RIMS1: variants seen among roughly 807,000 people sequenced by gnomAD.
RIMS1 encodes regulating synaptic membrane exocytosis 1.
RIMS1 carries 83 observed loss-of-function variants against 214.1 expected under a neutral mutation model. That is an observed-to-expected ratio of 0.39 (90% CI 0.32 to 0.47). RIMS1 has a LOEUF of 0.47. Ranked by LOEUF, RIMS1 falls within the 20% of genes least tolerant of loss-of-function variation. RIMS1 has a pLI of 0.99. For missense variants in RIMS1, 2,050 were observed against 2,161.8 expected, an observed-to-expected ratio of 0.95 and a Z score of 1.03; for synonymous variants, 793 against 786.8, an observed-to-expected ratio of 1.01 and a Z score of -0.13.
chr6:72,156,945 C>A (rs2044520609), intron 4 of RIMS1, among the ~76,000 whole-genome samples: 1 of 140,566 alleles, frequency 7.1e-6, no homozygotes, highest in Non-Finnish European at 1.6e-5. Context: ...GTATAGGTAT[C>A]TTATACTAAT....
chr6:72,039,864 T>A (rs1024503658), intron 2 of RIMS1, among the ~76,000 whole-genome samples: 3 of 151,478 alleles, frequency 2.0e-5, no homozygotes, highest in Non-Finnish European at 3.0e-5. Flanking sequence ...TTAAAAAAAA[T>A]GGTATAATTA....
intron 24 of RIMS1, 129 bp downstream of exon 24, chr6:72,284,247 A>C: frequency 1.6e-6 from 1 of 626,404 alleles, no homozygotes. Flanking sequence ...CATGTAACTA[A>C]ACCTACCCCT....
intron 1 of RIMS1, among the ~76,000 whole-genome samples, chr6:71,930,343 T>C (rs1375357860): frequency 6.6e-6 from 1 of 152,030 alleles, no homozygotes; most frequent in Non-Finnish European, 1.5e-5. Flanking sequence ...AAAATTGACA[T>C]AACAGACATG....
chr6:72,225,523 A>G (rs1005096260), intron 6 of RIMS1, among the ~76,000 whole-genome samples: 1 of 152,268 alleles, frequency 6.6e-6, no homozygotes, highest in African/African-American at 2.4e-5. Context: ...AAAGATATTT[A>G]TATGTAGAGT....
chr6:72,071,933 A>T (rs1357133279), intron 2 of RIMS1, among the ~76,000 whole-genome samples: 1 of 152,230 alleles, frequency 6.6e-6, no homozygotes, highest in Admixed American at 6.5e-5. Flanking sequence ...GATTAATGTC[A>T]TGTGGAAAAA....
chr6:71,996,609 C>T (rs1390765382), intron 2 of RIMS1, among the ~76,000 whole-genome samples: 4 of 152,166 alleles, frequency 2.6e-5, no homozygotes, highest in Admixed American at 1.3e-4. Context: ...ATGACAAGCT[C>T]GTCCATGAGC....
At chr6:72,012,619 A>G (rs1811177502) in intron 2 of RIMS1, among the ~76,000 whole-genome samples, 1 of 152,200 alleles carries the variant, frequency 6.6e-6, no homozygotes, top group African/African-American at 2.4e-5. Context: ...AACTTGATGT[A>G]TGCTGGGACC....
intron 33 of RIMS1, among the ~76,000 whole-genome samples, chr6:72,399,519 G>A (rs1221464428): frequency 2.0e-5 from 3 of 152,022 alleles, no homozygotes; most frequent in Non-Finnish European, 4.4e-5. Context: ...CCAAACATGG[G>A]GTACAAAGAG....
intron 1 of RIMS1, among the ~76,000 whole-genome samples, chr6:71,957,960 T>G (rs1033167413): frequency 3.3e-5 from 5 of 152,094 alleles, no homozygotes; most frequent in African/African-American, 1.2e-4. Flanking sequence ...AGAGTTGAGC[T>G]TGTGAATCTA....
chr6:72,300,484 T>C (rs991667845), intron 26 of RIMS1, among the ~76,000 whole-genome samples: 2 of 151,790 alleles, frequency 1.3e-5, no homozygotes, highest in African/African-American at 4.8e-5. Flanking sequence ...TTAGTATTAT[T>C]GGAGTAATGA....
chr6:72,081,452 T>A (rs977003079), intron 2 of RIMS1, among the ~76,000 whole-genome samples: 1 of 152,188 alleles, frequency 6.6e-6, no homozygotes, highest in Non-Finnish European at 1.5e-5. Flanking sequence ...CTTCATATTA[T>A]TCAAAGTTTC....
chr6:72,209,672 C>T (rs575631830), intron 6 of RIMS1, among the ~76,000 whole-genome samples: 3 of 152,138 alleles, frequency 2.0e-5, no homozygotes, highest in East Asian at 3.9e-4. Context: ...AAGGCCAAGG[C>T]GGATGGATCA....
At chr6:72,158,123 T>C (rs77066079) in intron 4 of RIMS1, among the ~76,000 whole-genome samples, 9,360 of 140,770 alleles carry the variant, frequency 0.066, 2,033 homozygotes, top group Middle Eastern at 0.12. Flanking sequence ...TTTCCTGTAT[T>C]TTTATTTCCA....
chr6:72,362,717 T>G, intron 29 of RIMS1, among the ~76,000 whole-genome samples: 1 of 152,208 alleles, frequency 6.6e-6, no homozygotes. Context: ...CTTGTCAAAA[T>G]TTTGTCTTCA....
At chr6:71,905,493 T>C (rs537418345) in intron 1 of RIMS1, among the ~76,000 whole-genome samples, 8 of 152,214 alleles carry the variant, frequency 5.3e-5, no homozygotes, top group African/African-American at 1.4e-4. Flanking sequence ...CAGGAGATGA[T>C]AGGAAATGTA....
At chr6:72,232,383 G>T (rs760288208) in intron 6 of RIMS1, among the ~76,000 whole-genome samples, 4 of 151,588 alleles carry the variant, frequency 2.6e-5, no homozygotes, top group Non-Finnish European at 5.9e-5. Context: ...TTTAAGAATA[G>T]TCGTGAACTT....
rs145187188 is a variant in RIMS1 at position 72,036,674 on chromosome 6, A to G, written c.246-60275A>G. Among the ~76,000 whole-genome samples, 62 of 152,328 alleles carry G rather than the reference A, an allele frequency of 4.1e-4. 1 individual carries two copies. Among genetic ancestry groups the G allele is most frequent in the African/African-American group, 1.3e-3 (53 of 41,586 alleles). ...TAGCAGCAACCACATATTTAACACT[A>G]TATCCTCACTGTGCATGACATATAG... On this transcript the variant is annotated intron_variant, in intron 2 of 33. Transcript: ENST00000521978.
At chr6:72,197,183 A>G (rs1280816140) in intron 6 of RIMS1, among the ~76,000 whole-genome samples, 2 of 151,970 alleles carry the variant, frequency 1.3e-5, no homozygotes, top group Non-Finnish European at 2.9e-5. Flanking sequence ...CCATTCACAT[A>G]CTCTATTCAC....
At chr6:72,347,786 A>T (rs553318668) in intron 29 of RIMS1, among the ~76,000 whole-genome samples, 1 of 151,986 alleles carries the variant, frequency 6.6e-6, no homozygotes, top group South Asian at 2.1e-4. Context: ...CTTTCTCTTC[A>T]TTCAAGCCCT....
Sources: gnomAD v4.1 joint callset for allele counts (sites outside exome capture counted in the v4.1 genomes callset) on GRCh38, gnomAD v4.1.1 for gene constraint, MANE v1.5 for transcripts, NCBI Gene and HGNC (gene_info 2026-07-23, HGNC 2026-07-21) for gene names.